PLCL2: variants seen among roughly 807,000 people sequenced by gnomAD.
PLCL2 encodes the protein phospholipase C like 2, also known as inactive phospholipase C-like protein 2.
In PLCL2, 4 loss-of-function variants were observed where a neutral mutation model predicts 79.6. The observed-to-expected ratio is 0.05, with a 90% CI of 0.02 to 0.11. PLCL2 has a LOEUF of 0.11. PLCL2 is among the 10% of genes least tolerant of loss of function. The pLI is 1.00. For synonymous variants in PLCL2, 484 were observed against 457.7 expected (o/e 1.06, Z -0.73); for missense variants, 895 against 1,291.0 (o/e 0.69, Z 4.70).
chr3:17,071,080 A>G (rs2124945526), intron 5 of PLCL2, among the ~76,000 whole-genome samples: 1 of 152,262 alleles, frequency 6.6e-6, no homozygotes, highest in Non-Finnish European at 1.5e-5. Flanking sequence ...ACACAAAAAA[A>G]CCTTATTATT....
chr3:16,955,508 C>T (rs1351178433), intron 1 of PLCL2, among the ~76,000 whole-genome samples: 8 of 152,056 alleles, frequency 5.3e-5, no homozygotes, highest in Admixed American at 6.6e-5. Context: ...CTTGGCAATG[C>T]GGGCTCTTTT....
intron 1 of PLCL2, among the ~76,000 whole-genome samples, chr3:16,940,426 A>G (rs1039202470): frequency 2.0e-5 from 3 of 152,184 alleles, no homozygotes; most frequent in South Asian, 2.1e-4. Flanking sequence ...AAAGGCCACA[A>G]CTAAGTTCCA....
chr3:17,013,074 T>G (rs2064344412), intron 2 of PLCL2, among the ~76,000 whole-genome samples: 1 of 152,258 alleles, frequency 6.6e-6, no homozygotes, highest in Admixed American at 6.5e-5. Context: ...TAAGGAAATT[T>G]GTTTTCTTTC....
In PLCL2 at chr3:16,916,927, T is replaced by C. The variant is rs142247240; in HGVS notation, c.327+31561T>C. On this transcript the variant is annotated intron_variant, in intron 1 of 5. Transcript: ENST00000615277. ...CCTCAAAGGGTGGAGGAACAACTTA[T>C]GTGTTCTTTATCTCCCCACCTCCCC... 5.4e-3 allele frequency among the ~76,000 whole-genome samples: 816 copies of C among 152,300 alleles called. 9 individuals are homozygous for C. The highest frequency in any genetic ancestry group is 0.019 in the African/African-American group (779 of 41,556).
chr3:17,011,016 C>G lies in PLCL2; in HGVS notation c.1670C>G (p.Ser557Cys), dbSNP rs1165744607. 6.2e-7 allele frequency: 1 copy of G among 1,613,786 alleles called. No individual in the cohort carries two copies. The highest frequency in any genetic ancestry group is 1.3e-5 in the African/African-American group (1 of 74,910). ...AATGTTGAGGAATCTTATCTACCAT[C>G]CCCAGATGTCCTGAAAGGGAAAATA... ...SPNVEESYLP[S>C]PDVLKGKILI... Residue 557 changes from serine (S) to cysteine (C), a missense_variant, in exon 2 of 6, where the codon TCC becomes TGC. By Grantham distance (112) the Ser-to-Cys change is moderately radical (BLOSUM62 -1). Transcript: ENST00000615277. This position sits in a 1 kb window ranked among gnomAD's most constrained non-coding sequence, Gnocchi z 7.9.
chr3:17,075,545 T>TAAAA (rs61190858), intron 5 of PLCL2, among the ~76,000 whole-genome samples: 7 of 129,738 alleles, frequency 5.4e-5, no homozygotes, highest in East Asian at 2.2e-4. Context: ...CTTCAATGTG[T>TAAAA]AAAAAAAAAA....
chr3:17,048,732 A>C (rs550889595), intron 4 of PLCL2, among the ~76,000 whole-genome samples: 1 of 152,340 alleles, frequency 6.6e-6, no homozygotes, highest in South Asian at 2.1e-4. Context: ...GATGCTAATC[A>C]TCTCTGACTG....
intron 5 of PLCL2, among the ~76,000 whole-genome samples, chr3:17,080,592 A>AT: frequency 6.6e-6 from 1 of 152,232 alleles, no homozygotes; most frequent in South Asian, 2.1e-4. Context: ...CTGGGATTAC[A>AT]GTCGCCCGCC....
At chr3:16,953,483 AATAG>A (rs1360193287) in intron 1 of PLCL2, among the ~76,000 whole-genome samples, 2 of 152,276 alleles carry the variant, frequency 1.3e-5, no homozygotes, top group Non-Finnish European at 2.9e-5. Flanking sequence ...AAGCATGTAA[AATAG>A]ATAGGATCAC....
intron 3 of PLCL2, among the ~76,000 whole-genome samples, chr3:17,015,339 C>G (rs972414496): frequency 4.6e-5 from 7 of 152,168 alleles, no homozygotes; most frequent in African/African-American, 1.4e-4. Flanking sequence ...GTGCCTGTAT[C>G]ACATGACTCT....
At chr3:17,076,612 C>T (rs981237405) in intron 5 of PLCL2, among the ~76,000 whole-genome samples, 1 of 152,046 alleles carries the variant, frequency 6.6e-6, no homozygotes, top group African/African-American at 2.4e-5. Context: ...AAATGATCCT[C>T]TCATCTCAGC....
chr3:17,006,456 C>T (rs2064261185), intron 1 of PLCL2, among the ~76,000 whole-genome samples: 1 of 152,210 alleles, frequency 6.6e-6, no homozygotes, highest in South Asian at 2.1e-4. Flanking sequence ...TTCTGGTCCA[C>T]CCATTAAGGA....
chr3:17,028,501 G>C (rs2124907208), intron 3 of PLCL2, among the ~76,000 whole-genome samples: 1 of 150,668 alleles, frequency 6.6e-6, no homozygotes, highest in Non-Finnish European at 1.5e-5. Context: ...TTTGAGACAG[G>C]GTTTCACTCC....
intron 1 of PLCL2, among the ~76,000 whole-genome samples, chr3:16,978,711 T>G (rs2063950730): frequency 6.6e-6 from 1 of 152,260 alleles, no homozygotes; most frequent in Non-Finnish European, 1.5e-5. Context: ...ATAGAGGCAC[T>G]GGCATGCTCA....
At chr3:16,987,032 G>A (rs780398886) in intron 1 of PLCL2, among the ~76,000 whole-genome samples, 2 of 151,188 alleles carry the variant, frequency 1.3e-5, no homozygotes, top group African/African-American at 2.4e-5. Flanking sequence ...TGGGGTCTGG[G>A]TGCCAGACCC....
At chr3:16,962,096 G>T (rs2063760394) in intron 1 of PLCL2, among the ~76,000 whole-genome samples, 1 of 152,158 alleles carries the variant, frequency 6.6e-6, no homozygotes, top group Admixed American at 6.5e-5. Context: ...CCAGGAGTAG[G>T]TCAGAATAGC....
In PLCL2 at chr3:17,009,730, A is replaced by G; in HGVS notation, c.384A>G (p.Pro128=). 1 of 1,611,700 alleles carries G rather than the reference A, an allele frequency of 6.2e-7. No homozygotes were observed. The highest frequency in any genetic ancestry group is 8.5e-7 in the Non-Finnish European group (1 of 1,177,842). The part of the protein sequence containing the change: ...RKKTVSFSSM[P]TEKKISSASD... ...AGACAGTCTCATTCAGCAGCATGCC[A>G]ACAGAGAAGAAGATCAGCAGTGCAA... The change falls in exon 2 of 6, where the codon CCA becomes CCG. Residue 128 remains proline, a synonymous_variant. Transcript: ENST00000615277. This position sits in a 1 kb window ranked among gnomAD's most constrained non-coding sequence, Gnocchi z 4.0.
intron 1 of PLCL2, among the ~76,000 whole-genome samples, chr3:16,969,629 T>A (rs2063838503): frequency 6.6e-6 from 1 of 152,088 alleles, no homozygotes; most frequent in Non-Finnish European, 1.5e-5. Context: ...GGGTCTTCTC[T>A]TTTTTCTTCT....
intron 1 of PLCL2, among the ~76,000 whole-genome samples, chr3:16,992,456 C>G (rs1192769453): frequency 2.6e-5 from 4 of 152,230 alleles, no homozygotes; most frequent in Non-Finnish European, 5.9e-5. Context: ...AGCAAATAAC[C>G]CCCATTTGCA....
Sources: gnomAD v4.1 joint callset for allele counts (sites outside exome capture counted in the v4.1 genomes callset) on GRCh38, gnomAD v4.1.1 for gene constraint, Gnocchi (gnomAD v3.1) non-coding constraint, MANE v1.5 for transcripts, NCBI Gene and HGNC (gene_info 2026-07-23, HGNC 2026-07-21) for gene names.